PRKG1: variants seen among roughly 807,000 people sequenced by gnomAD.
PRKG1 encodes the protein cGMP-dependent protein kinase 1.
Under a neutral mutation model 88.1 loss-of-function variants are expected in PRKG1, and 35 were observed. The ratio of observed to expected loss-of-function variants is 0.40; its 90% confidence interval spans 0.30 to 0.53. The LOEUF (loss-of-function observed/expected upper bound fraction) is 0.53. PRKG1 is among the 20% of genes least tolerant of loss of function. The pLI, the probability that PRKG1 is intolerant of heterozygous loss-of-function variation, is 0.59. For synonymous variants in PRKG1, 303 were observed against 292.5 expected, an observed-to-expected ratio of 1.04 and a Z score of -0.37; for missense variants, 540 against 839.8, an observed-to-expected ratio of 0.64 and a Z score of 4.41.
chr10:51,524,984 ATTTG>A (rs1841838944), intron 3 of PRKG1, among the ~76,000 whole-genome samples: 1 of 152,228 alleles, frequency 6.6e-6, no homozygotes, highest in Non-Finnish European at 1.5e-5. Context: ...ATTTAATTGA[ATTTG>A]TTTTGTGCCA....
At chr10:52,239,727 C>G (rs1299282906) in intron 9 of PRKG1, among the ~76,000 whole-genome samples, 1 of 151,986 alleles carries the variant, frequency 6.6e-6, no homozygotes, top group African/African-American at 2.4e-5. Flanking sequence ...TTCATTTGAA[C>G]TGGCATATGG....
intron 5 of PRKG1, among the ~76,000 whole-genome samples, chr10:52,036,982 G>A (rs540796859): frequency 1.3e-4 from 20 of 152,374 alleles, no homozygotes; most frequent in South Asian, 1.0e-3. Context: ...GAAGCTCGGC[G>A]TCTGTGATGG....
chr10:51,396,028 AC>A (rs1198860792), intron 2 of PRKG1, among the ~76,000 whole-genome samples: 2 of 152,118 alleles, frequency 1.3e-5, no homozygotes, highest in Admixed American at 1.3e-4. Context: ...TATATTATGT[AC>A]ATAACACTTT....
intron 3 of PRKG1, among the ~76,000 whole-genome samples, chr10:51,772,589 A>G (rs969817097): frequency 6.6e-6 from 1 of 152,050 alleles, no homozygotes; most frequent in Admixed American, 6.5e-5. Context: ...CCTGGTGGTG[A>G]GAATATAAAT....
At position 51,505,309 on chromosome 10, in the gene PRKG1, C is replaced by T. The variant is rs548170278; in HGVS notation, c.592+37473C>T. Among the ~76,000 whole-genome samples the T allele has an allele frequency of 7.2e-4, 110 of 152,256 alleles. 1 individual carries two copies. The highest frequency in any genetic ancestry group is 2.6e-3 in the African/African-American group (107 of 41,546). On this transcript the variant is annotated intron_variant, in intron 3 of 17. Coordinates refer to ENST00000373980, the MANE Select transcript of PRKG1 (RefSeq NM_006258.4). ...CATATATTGAACCAGCCTTGCATCC[C>T]AGGGATGAAGCCCACTTGATCATGG...
intron 1 of PRKG1, among the ~76,000 whole-genome samples, chr10:51,082,980 T>G (rs1193323586): frequency 6.6e-6 from 1 of 152,200 alleles, no homozygotes; most frequent in South Asian, 2.1e-4. Flanking sequence ...GATTATAATA[T>G]TCAGCCAGGG....
rs1029832235 is a variant in PRKG1 at position 51,190,197 on chromosome 10, C to A, written c.478+36867C>A. On this transcript the variant is annotated intron_variant, in intron 2 of 17. Transcript: ENST00000373980. ...TTATTAGTAACTGTACAACTAATTA[C>A]ATGATTACTTGTCTGCAAGTAAATA... Among the ~76,000 whole-genome samples, 5 of 152,004 alleles carry A rather than the reference C, an allele frequency of 3.3e-5. No individual in the cohort carries two copies. In the East Asian group the frequency reaches 9.6e-4, roughly 29 times the overall value.
intron 8 of PRKG1, among the ~76,000 whole-genome samples, chr10:52,136,251 G>A (rs1237323660): frequency 1.3e-5 from 2 of 152,034 alleles, no homozygotes; most frequent in Admixed American, 1.3e-4. Context: ...TGATAAATGG[G>A]ACCCCAGGGG....
intron 2 of PRKG1, among the ~76,000 whole-genome samples, chr10:51,206,829 G>A (rs555468594): frequency 2.6e-5 from 4 of 152,134 alleles, no homozygotes; most frequent in Admixed American, 1.3e-4. Flanking sequence ...ACAGGGAGGC[G>A]ATCACTTGTT....
intron 2 of PRKG1, among the ~76,000 whole-genome samples, chr10:51,363,217 A>C (rs1842520645): frequency 7.1e-6 from 1 of 139,894 alleles, no homozygotes; most frequent in Non-Finnish European, 1.6e-5. Flanking sequence ...AATCCTAGTC[A>C]AAAAAAAAAA....
chr10:51,532,090 T>A (rs1287154063), intron 3 of PRKG1, among the ~76,000 whole-genome samples: 1 of 152,202 alleles, frequency 6.6e-6, no homozygotes, highest in African/African-American at 2.4e-5. Flanking sequence ...TACTTTCTTG[T>A]TTGTTTCTTG....
intron 3 of PRKG1, among the ~76,000 whole-genome samples, chr10:51,562,196 C>T (rs1837481892): frequency 1.4e-5 from 2 of 148,134 alleles, no homozygotes; most frequent in South Asian, 4.4e-4. Context: ...TGCACTACAG[C>T]CTAGGTGACA....
chr10:51,131,056 A>G (rs1170666674), intron 1 of PRKG1, among the ~76,000 whole-genome samples: 2 of 152,262 alleles, frequency 1.3e-5, no homozygotes, highest in Admixed American at 6.5e-5. Context: ...CATATTAAAC[A>G]GTAAATAGTC....
At chr10:51,611,556 A>G (rs114976734) in intron 3 of PRKG1, among the ~76,000 whole-genome samples, 5,949 of 150,128 alleles carry the variant, frequency 0.04, 169 homozygotes, top group Middle Eastern at 0.091. Context: ...TAATTTGCAT[A>G]TATTTTCTCC....
At chr10:51,955,350 G>A (rs915580655) in intron 5 of PRKG1, among the ~76,000 whole-genome samples, 17 of 151,846 alleles carry the variant, frequency 1.1e-4, no homozygotes, top group African/African-American at 2.7e-4. Flanking sequence ...TTCTTTTCAC[G>A]GAAAAAGACC....
At chr10:51,058,539 C>T (rs1328876403) in intron 1 of PRKG1, among the ~76,000 whole-genome samples, 5 of 152,096 alleles carry the variant, frequency 3.3e-5, no homozygotes, top group Admixed American at 2.6e-4. Flanking sequence ...ACAACATTAT[C>T]ACCCCAAATT....
chr10:51,262,111 C>T (rs866571720), intron 2 of PRKG1, among the ~76,000 whole-genome samples: 76 of 152,028 alleles, frequency 5.0e-4, no homozygotes, highest in African/African-American at 1.7e-3. Context: ...TGGTCTCGAT[C>T]TCCTGACCTC....
chr10:51,677,366 A>G (rs1304002025), intron 3 of PRKG1, among the ~76,000 whole-genome samples: 1 of 152,104 alleles, frequency 6.6e-6, no homozygotes, highest in Non-Finnish European at 1.5e-5. Flanking sequence ...TATACCTCTT[A>G]ATGCATTTTT....
chr10:51,070,610 A>G (rs1403320145), upstream of PRKG1, among the ~76,000 whole-genome samples: 2 of 152,194 alleles, frequency 1.3e-5, no homozygotes, highest in African/African-American at 4.8e-5. Flanking sequence ...TGGGCTAATT[A>G]TGTTTTTAGT....
Sources: gnomAD v4.1 joint callset for allele counts (sites outside exome capture counted in the v4.1 genomes callset) on GRCh38, gnomAD v4.1.1 for gene constraint, MANE v1.5 for transcripts, NCBI Gene and HGNC (gene_info 2026-07-23, HGNC 2026-07-21) for gene names.